UPP2: variants seen among roughly 807,000 people sequenced by gnomAD.
UPP2 encodes the protein uridine phosphorylase 2, also known as UPase 2.
Under a neutral mutation model 26.7 loss-of-function variants are expected in UPP2, and 23 were observed. That is an observed-to-expected ratio of 0.86 (90% CI 0.62 to 1.22). The LOEUF is 1.22. UPP2 is among the 50% of genes most tolerant of loss of function. UPP2 has a pLI of 0.00. For missense variants in UPP2, 387 were observed against 396.7 expected (o/e 0.98, Z 0.21); for synonymous variants, 127 against 141.3 (o/e 0.90, Z 0.72).
rs543572277 is a variant in UPP2, at chr2:158,039,161, G to A, written c.147+23275G>A. Among the ~76,000 whole-genome samples, 3 of 152,304 alleles carry A rather than the reference G, an allele frequency of 2.0e-5. 1 individual carries two copies. In the South Asian group the frequency reaches 6.2e-4, roughly 32 times the overall value. ...TGCTCTGTGGGTTTCTGAGGCTGGGGAAGTGAAGGGGGCCTGGGTGTACCC... is the reference window on the plus strand; with the variant it reads ...TGCTCTGTGGGTTTCTGAGGCTGGGAAAGTGAAGGGGGCCTGGGTGTACCC... On this transcript the variant is annotated intron_variant, in intron 3 of 9. Coordinates refer to the UPP2 transcript ENST00000605860.
intron 3 of UPP2, among the ~76,000 whole-genome samples, chr2:158,088,092 A>T (rs1682845963): frequency 1.3e-5 from 2 of 152,172 alleles, no homozygotes; most frequent in African/African-American, 4.8e-5. Flanking sequence ...AAACTTTTAG[A>T]TTTCTCTTCT....
intron 3 of UPP2, among the ~76,000 whole-genome samples, chr2:158,059,344 C>T (rs1346249456): frequency 1.3e-5 from 2 of 152,208 alleles, no homozygotes; most frequent in Non-Finnish European, 2.9e-5. Flanking sequence ...AACACTAATG[C>T]CTGTCAGCCT....
chr2:158,030,731 A>T (rs11690619), intron 3 of UPP2, among the ~76,000 whole-genome samples: 1 of 152,194 alleles, frequency 6.6e-6, no homozygotes. Flanking sequence ...GACAGCCAGG[A>T]TAACTAAATG....
intron 3 of UPP2, among the ~76,000 whole-genome samples, chr2:158,027,057 T>C (rs1318423209): frequency 3.3e-5 from 5 of 152,122 alleles, no homozygotes; most frequent in African/African-American, 4.8e-5. Context: ...CAAGATGAGA[T>C]TTGGGTGGGG....
intron 4 of UPP2, among the ~76,000 whole-genome samples, chr2:158,119,000 G>A (rs1683501901): frequency 2.0e-5 from 3 of 152,022 alleles, no homozygotes; most frequent in African/African-American, 7.2e-5. Context: ...GAGAAGTAGA[G>A]TGCTAGCAAT....
chr2:158,038,768 A>T (rs1684041033), intron 3 of UPP2, among the ~76,000 whole-genome samples: 1 of 152,108 alleles, frequency 6.6e-6, no homozygotes, highest in Admixed American at 6.6e-5. Flanking sequence ...GGGCATTAGA[A>T]CTCTATTGAG....
At chr2:158,031,684 A>C (rs1006015333) in intron 3 of UPP2, among the ~76,000 whole-genome samples, 1 of 152,218 alleles carries the variant, frequency 6.6e-6, no homozygotes, top group East Asian at 1.9e-4. Flanking sequence ...AGATACATGA[A>C]CTTCTTTGTA....
intron 6 of UPP2, among the ~76,000 whole-genome samples, chr2:158,127,585 A>C (rs187775975): frequency 4.6e-5 from 7 of 152,320 alleles, no homozygotes; most frequent in South Asian, 4.1e-4. Context: ...GTATCTCCTA[A>C]CTGTCCACAA....
At chr2:158,024,504 C>A (rs1271671202) in intron 3 of UPP2, among the ~76,000 whole-genome samples, 2 of 152,150 alleles carry the variant, frequency 1.3e-5, no homozygotes, top group Non-Finnish European at 2.9e-5. Context: ...ACAAGGTGGC[C>A]ACCTTCGGCG....
chr2:158,053,334 C>T (rs1682189308), intron 3 of UPP2, among the ~76,000 whole-genome samples: 1 of 152,146 alleles, frequency 6.6e-6, no homozygotes. Context: ...CTGTGCTAAG[C>T]ACTTTATATG....
chr2:158,066,785 T>C (rs1186297023), intron 3 of UPP2, among the ~76,000 whole-genome samples: 1 of 152,160 alleles, frequency 6.6e-6, no homozygotes, highest in African/African-American at 2.4e-5. Flanking sequence ...TACAGTTCAT[T>C]TAATGTTTGC....
intron 3 of UPP2, among the ~76,000 whole-genome samples, chr2:158,078,734 T>C (rs1446120314): frequency 6.6e-6 from 1 of 151,904 alleles, no homozygotes; most frequent in Non-Finnish European, 1.5e-5. Flanking sequence ...CACAACAGGG[T>C]GAATATAATC....
chr2:158,031,795 A>G (rs1030107026), intron 3 of UPP2, among the ~76,000 whole-genome samples: 1 of 152,180 alleles, frequency 6.6e-6, no homozygotes, highest in Non-Finnish European at 1.5e-5. Flanking sequence ...CATTTCCTAC[A>G]TTTTTGGTTT....
In UPP2 at chr2:158,054,366, C is replaced by T. The variant is rs143495925; in HGVS notation, c.147+38480C>T. ...CCTGGTTTACTTTTTCATGTTTTTG[C>T]TTTGTTGGTTATTTTGAGGTTTTTT... is the stretch of plus-strand genomic sequence containing the variant. On this transcript the variant is annotated intron_variant, in intron 3 of 9. Coordinates refer to the UPP2 transcript ENST00000605860. 9.4e-3 allele frequency among the ~76,000 whole-genome samples: 1,350 copies of T among 143,374 alleles called. 22 individuals are homozygous for T. The highest frequency in any genetic ancestry group is 0.034 in the African/African-American group (1,293 of 38,152). 94.1% of individuals were successfully genotyped at this position (143,374 alleles called of 152,430 possible).
At chr2:158,028,261 T>C (rs13415827) in intron 3 of UPP2, among the ~76,000 whole-genome samples, 132,761 of 152,244 alleles carry the variant, frequency 0.87, 58,170 homozygotes, top group East Asian at 1. Flanking sequence ...ACTCAAGTCA[T>C]CTCTTGAATG....
At chr2:158,103,093 A>C (rs1683108850) in intron 1 of UPP2, among the ~76,000 whole-genome samples, 1 of 152,220 alleles carries the variant, frequency 6.6e-6, no homozygotes, top group Non-Finnish European at 1.5e-5. Flanking sequence ...ATTTTGGAAA[A>C]ATCAAATATT....
chr2:158,084,806 G>C (rs1409010027), intron 3 of UPP2, among the ~76,000 whole-genome samples: 1 of 151,992 alleles, frequency 6.6e-6, no homozygotes, highest in Non-Finnish European at 1.5e-5. Flanking sequence ...TTTGGTGTAA[G>C]TATTTGGGTT....
In UPP2 at chr2:158,106,045, T is replaced by C. The variant is rs1048803815; in HGVS notation, c.63-54T>C. 1.5e-5 allele frequency: 20 copies of C among 1,346,228 alleles called. No homozygotes were observed. The African/African-American group carries it at 2.4e-4, about 16-fold the overall frequency. 83.4% of individuals were successfully genotyped at this position (1,346,228 alleles called of 1,614,324 possible). On this transcript the variant is annotated intron_variant, in intron 1 of 6. Transcript: ENST00000005756. ...GTTTATGTTCAGACTTTCTTTCTTG[T>C]GAGCTTTCTCTCAAAATTCTTTTAT... is the stretch of plus-strand genomic sequence containing the variant.
chr2:158,012,450 T>C (rs1048087526), intron 2 of UPP2, among the ~76,000 whole-genome samples: 11 of 151,946 alleles, frequency 7.2e-5, no homozygotes, highest in Non-Finnish European at 2.9e-5. Context: ...GTATTTTTAG[T>C]AGAGACGGGT....
Sources: gnomAD v4.1 joint callset for allele counts (sites outside exome capture counted in the v4.1 genomes callset) on GRCh38, gnomAD v4.1.1 for gene constraint, MANE v1.5 for transcripts, NCBI Gene and HGNC (gene_info 2026-07-23, HGNC 2026-07-21) for gene names.